USP12: variants seen among roughly 807,000 people sequenced by gnomAD.
USP12 encodes the protein ubiquitin carboxyl-terminal hydrolase 12.
A neutral mutation model predicts 45.5 loss-of-function variants in USP12; 19 were observed. The observed-to-expected ratio is 0.42, with a 90% CI of 0.29 to 0.61. The LOEUF is 0.61. Among genes scored for constraint, USP12 ranks in the 20% least tolerant of loss-of-function variants. The probability of loss-of-function intolerance (pLI) is 0.22; values close to 1 mark genes in which losing one functional copy is unlikely to be tolerated. For missense variants in USP12, 242 were observed against 447.7 expected (o/e 0.54, Z 4.15); for synonymous variants, 149 against 148.8 (o/e 1.00, Z -0.01).
intron 1 of USP12, among the ~76,000 whole-genome samples, chr13:27,142,417 T>C (rs936652939): frequency 6.6e-6 from 1 of 152,228 alleles, no homozygotes; most frequent in South Asian, 2.1e-4. Context: ...AGATAACTGA[T>C]TAAATTTTAA....
chr13:27,163,994 T>C (rs1211963009), intron 1 of USP12, among the ~76,000 whole-genome samples: 2 of 151,968 alleles, frequency 1.3e-5, no homozygotes, highest in Admixed American at 6.6e-5. Flanking sequence ...CGTCTTCATG[T>C]TCTCAGAACC....
chr13:27,100,703 C>T (rs561690638), intron 3 of USP12, among the ~76,000 whole-genome samples: 1 of 152,272 alleles, frequency 6.6e-6, no homozygotes, highest in African/African-American at 2.4e-5. Context: ...TCAAACAGGT[C>T]CACTAAGGCA....
intron 4 of USP12, among the ~76,000 whole-genome samples, chr13:27,095,164 G>T (rs1455442686): frequency 6.6e-6 from 1 of 152,104 alleles, no homozygotes; most frequent in African/African-American, 2.4e-5. Flanking sequence ...TCTTTACAAA[G>T]TGTCCAGCAA....
At chr13:27,075,621 A>C (rs1379930409) in intron 6 of USP12, among the ~76,000 whole-genome samples, 2 of 152,132 alleles carry the variant, frequency 1.3e-5, no homozygotes, top group Non-Finnish European at 2.9e-5. Flanking sequence ...AATTTGACAC[A>C]GCACTCAATA....
At chr13:27,124,557 G>A (rs1876140293) in intron 1 of USP12, among the ~76,000 whole-genome samples, 1 of 152,186 alleles carries the variant, frequency 6.6e-6, no homozygotes, top group South Asian at 2.1e-4. Context: ...ATTTTAGAAT[G>A]CAGCATGTAT....
At chr13:27,074,246 A>G (rs570073545) in intron 7 of USP12, among the ~76,000 whole-genome samples, 9 of 152,130 alleles carry the variant, frequency 5.9e-5, no homozygotes, top group African/African-American at 2.2e-4. Context: ...TAAAAATACA[A>G]AAAATTAGCC....
intron 6 of USP12, among the ~76,000 whole-genome samples, chr13:27,080,108 C>G (rs1593172933): frequency 1.3e-5 from 2 of 152,160 alleles, no homozygotes; most frequent in Non-Finnish European, 2.9e-5. Flanking sequence ...GTATATAAAA[C>G]ATAGTACTGA....
chr13:27,082,853 G>A (rs1211140571), intron 6 of USP12, among the ~76,000 whole-genome samples: 1 of 152,186 alleles, frequency 6.6e-6, no homozygotes, highest in Non-Finnish European at 1.5e-5. Context: ...TTTTCTTTTT[G>A]AGACAGAGTT....
intron 2 of USP12, among the ~76,000 whole-genome samples, chr13:27,114,769 TAAA>T (rs11366017): frequency 7.0e-6 from 1 of 142,720 alleles, no homozygotes; most frequent in East Asian, 2.0e-4. Context: ...TCTCCATTTT[TAAA>T]AAAAAAAAAA....
chr13:27,087,176 G>A (rs1054619764), intron 6 of USP12, among the ~76,000 whole-genome samples: 1 of 151,548 alleles, frequency 6.6e-6, no homozygotes, highest in Non-Finnish European at 1.5e-5. Flanking sequence ...CAGGGAGCGG[G>A]GGCAGGAAGG....
intron 6 of USP12, among the ~76,000 whole-genome samples, chr13:27,079,216 G>T (rs140416562): frequency 1.1e-3 from 123 of 112,272 alleles, no homozygotes; most frequent in African/African-American, 3.7e-3. Flanking sequence ...TCCCTGTGTG[G>T]GGCGGGGGGG....
Position 27,082,280 on chromosome 13 carries a change from T to C in USP12, c.735-6892A>G, listed in dbSNP as rs75774951. Among the ~76,000 whole-genome samples, 161 of 152,370 alleles carry C rather than the reference T, an allele frequency of 1.1e-3. 1 individual carries two copies. The East Asian group carries it at 0.025, about 24-fold the overall frequency. ...TGCTTCACCTTGTACTTTTATCTCA[T>C]GGAGACAGCTTCTTTCCTTAAAACC... On this transcript the variant is annotated intron_variant, in intron 6 of 8. Coordinates refer to ENST00000282344, the MANE Select transcript of USP12 (RefSeq NM_182488.4).
chr13:27,104,834 T>C (rs1875051689), intron 3 of USP12, among the ~76,000 whole-genome samples: 1 of 152,244 alleles, frequency 6.6e-6, no homozygotes. Flanking sequence ...CAAATCCTGC[T>C]TGTGAGCGTC....
intron 4 of USP12, among the ~76,000 whole-genome samples, chr13:27,095,049 T>C (rs374863734): frequency 6.6e-6 from 1 of 152,046 alleles, no homozygotes; most frequent in African/African-American, 2.4e-5. Flanking sequence ...TTGCTACTTA[T>C]GAGGCTTAGA....
At chr13:27,121,186 T>G (rs1875965433) in intron 1 of USP12, among the ~76,000 whole-genome samples, 3 of 152,134 alleles carry the variant, frequency 2.0e-5, no homozygotes, top group African/African-American at 7.2e-5. Flanking sequence ...CTTGCTTGAC[T>G]TGTCCTTGGC....
At chr13:27,139,298 A>G (rs1876946229) in intron 1 of USP12, among the ~76,000 whole-genome samples, 1 of 152,190 alleles carries the variant, frequency 6.6e-6, no homozygotes, top group Non-Finnish European at 1.5e-5. Context: ...TACGCTACAT[A>G]CTAGCATCAA....
chr13:27,077,990 T>C (rs373049354), intron 6 of USP12: 103 of 152,086 alleles, frequency 6.8e-4, no homozygotes, highest in African/African-American at 2.5e-3. Context: ...AGAGAACATT[T>C]TTTTCCTTTT....
In USP12 at chr13:27,140,895, C is replaced by T. The variant is rs145069076; in HGVS notation, c.49-24299G>A. Among the ~76,000 whole-genome samples the T allele has an allele frequency of 7.3e-5, 11 of 151,248 alleles. No homozygotes were observed. The East Asian group carries it at 1.2e-3, about 16-fold the overall frequency. On this transcript the variant is annotated intron_variant, in intron 1 of 8. Transcript: ENST00000282344. The stretch of plus-strand genomic sequence containing the variant: ...TTAGAGTATTACTGAACTTCAGAAA[C>T]GTCACACAAGAATCTCTCTAACGCC...
At chr13:27,165,214 C>T (rs1458392861) in intron 1 of USP12, among the ~76,000 whole-genome samples, 3 of 151,712 alleles carry the variant, frequency 2.0e-5, no homozygotes, top group Non-Finnish European at 4.4e-5. Context: ...TTTTTGTTCC[C>T]AGATAAAAGA....
Sources: allele counts gnomAD v4.1 joint callset (sites outside exome capture counted in the v4.1 genomes callset), GRCh38; gene constraint gnomAD v4.1.1; transcripts MANE v1.5; gene names NCBI Gene and HGNC (gene_info 2026-07-23, HGNC 2026-07-21).